ANKRD30A: variants seen among roughly 807,000 people sequenced by gnomAD.
ANKRD30A encodes the protein ankyrin repeat domain-containing protein 30A.
ANKRD30A carries 170 observed loss-of-function variants against 166.3 expected under a neutral mutation model. That is an observed-to-expected ratio of 1.02 (90% CI 0.90 to 1.16). The LOEUF (loss-of-function observed/expected upper bound fraction) is 1.16. Among genes scored for constraint, ANKRD30A ranks in the 50% most tolerant of loss-of-function variants. ANKRD30A has a pLI of 0.00. For missense variants in ANKRD30A, 1,630 were observed against 1,518.0 expected (o/e 1.07, Z -1.23); for synonymous variants, 564 against 508.9 (o/e 1.11, Z -1.46).
At position 37,197,119 on chromosome 10, in the gene ANKRD30A, C is replaced by T. The variant is rs547346764; in HGVS notation, c.2615-162C>T. On this transcript the variant is annotated intron_variant, in intron 27 of 35. Transcript: ENST00000361713. ...TATATTTTCTTCAGTGTATTCTTGT[C>T]GTGTGTGTGTCCTAAACAAACCAAA... is the stretch of plus-strand genomic sequence containing the variant. 8.5e-5 allele frequency among the ~76,000 whole-genome samples: 13 copies of T among 152,078 alleles called. No homozygotes were observed. The East Asian group carries it at 1.4e-3, about 16-fold the overall frequency.
intron 6 of ANKRD30A, among the ~76,000 whole-genome samples, chr10:37,137,593 A>G (rs1050029025): frequency 1.3e-5 from 2 of 152,200 alleles, no homozygotes; most frequent in African/African-American, 4.8e-5. Flanking sequence ...AGCATGGCTC[A>G]GAGGGTCCTA....
At position 37,172,674 on chromosome 10, in the gene ANKRD30A, A is replaced by G. The variant is rs1173294445; in HGVS notation, c.2258-1038A>G. Among the ~76,000 whole-genome samples, 3 of 134,412 alleles carry G rather than the reference A, an allele frequency of 2.2e-5. No individual in the cohort carries two copies. In the South Asian group the frequency reaches 7.9e-4, roughly 35 times the overall value. The allele number at this position is 134,412 out of a possible 152,430, so 88.2% of individuals were successfully genotyped here. A position where few individuals can be genotyped will look rare whatever the true frequency, so the allele number is the denominator to read the frequency against. On this transcript the variant is annotated intron_variant, in intron 21 of 35. Coordinates refer to ENST00000361713, the MANE Select transcript of ANKRD30A (RefSeq NM_052997.3). The stretch of plus-strand genomic sequence containing the variant: ...GAGTGAACTCACTTCAGATGCATGT[A>G]GATTATTTGCACTCCAGAATGTAGA...
intron 12 of ANKRD30A, among the ~76,000 whole-genome samples, chr10:37,153,353 T>A (rs1420916361): frequency 6.6e-6 from 1 of 152,186 alleles, no homozygotes; most frequent in African/African-American, 2.4e-5. Flanking sequence ...GTCACTGAGT[T>A]AATGGCCACA....
intron 34 of ANKRD30A, among the ~76,000 whole-genome samples, chr10:37,229,921 A>G (rs546386418): frequency 4.6e-5 from 7 of 151,900 alleles, no homozygotes; most frequent in Non-Finnish European, 1.0e-4. Context: ...TCGTCACCTC[A>G]AGCTTTTATC....
intron 30 of ANKRD30A, among the ~76,000 whole-genome samples, chr10:37,200,212 A>T (rs1841507548): frequency 6.6e-6 from 1 of 152,092 alleles, no homozygotes; most frequent in Non-Finnish European, 1.5e-5. Context: ...GGACCTGAAA[A>T]GTTAATGCCT....
intron 31 of ANKRD30A, among the ~76,000 whole-genome samples, chr10:37,209,073 C>G (rs770459054): frequency 1.6e-4 from 25 of 152,100 alleles, no homozygotes; most frequent in Non-Finnish European, 3.5e-4. Context: ...AGTTTATACA[C>G]TCATCTTTCT....
chr10:37,253,272 C>G, the ANKRD30A span, among the ~76,000 whole-genome samples: 1 of 152,112 alleles, frequency 6.6e-6, no homozygotes, highest in Non-Finnish European at 1.5e-5. Context: ...AATACAATAG[C>G]CACTAGCCAC....
At chr10:37,178,209 C>A (rs1194771901) in intron 24 of ANKRD30A, among the ~76,000 whole-genome samples, 2 of 151,194 alleles carry the variant, frequency 1.3e-5, no homozygotes, top group East Asian at 3.9e-4. Context: ...AGAATTACAG[C>A]AAAAATATTC....
At chr10:37,224,162 A>G (rs903830884) in intron 34 of ANKRD30A, among the ~76,000 whole-genome samples, 2 of 151,416 alleles carry the variant, frequency 1.3e-5, no homozygotes, top group African/African-American at 4.8e-5. Context: ...CCTTTGGCAT[A>G]TAATGTCAAC....
chr10:37,148,710 C>A (rs547543314), intron 9 of ANKRD30A, among the ~76,000 whole-genome samples: 1 of 152,100 alleles, frequency 6.6e-6, no homozygotes, highest in Non-Finnish European at 1.5e-5. Context: ...ATGTTACAAT[C>A]AGGCATGACA....
chr10:37,239,623 A>C, the ANKRD30A span, among the ~76,000 whole-genome samples: 1 of 152,144 alleles, frequency 6.6e-6, no homozygotes, highest in Non-Finnish European at 1.5e-5. Context: ...AATTAGAAAG[A>C]AATGCATTCA....
At chr10:37,259,218 TA>T in the ANKRD30A span, among the ~76,000 whole-genome samples, 1 of 152,088 alleles carries the variant, frequency 6.6e-6, no homozygotes, top group Non-Finnish European at 1.5e-5. Context: ...CCAGAATATA[TA>T]AAAAACTCCT....
Position 37,219,147 on chromosome 10 carries a change from AC to A in ANKRD30A, c.3436del (p.Leu1146PhefsTer3). The A allele has an allele frequency of 6.2e-7, 1 of 1,610,340 alleles. No homozygotes were observed. Among genetic ancestry groups the A allele is most frequent in the Non-Finnish European group, 8.5e-7 (1 of 1,177,434 alleles). ...AGATTTTAAAAGAAAAGAATGCTGA[AC>A]TTCAGATGACCCTAAAACTGAAAGA... The part of the protein sequence containing the change: ...IKILKEKNAE[L>X]QMTLKLKEES... On this transcript the variant is annotated frameshift_variant, in exon 34 of 36. Transcript: ENST00000361713. LOFTEE classifies it high-confidence loss of function.
intron 17 of ANKRD30A, among the ~76,000 whole-genome samples, chr10:37,164,332 T>C (rs1004861678): frequency 6.1e-5 from 9 of 147,742 alleles, no homozygotes; most frequent in African/African-American, 2.3e-4. Flanking sequence ...ACTCGTCAAG[T>C]CTTGAGTGGG....
chr10:37,148,176 C>A (rs1837647213), intron 9 of ANKRD30A, among the ~76,000 whole-genome samples: 1 of 151,996 alleles, frequency 6.6e-6, no homozygotes, highest in Non-Finnish European at 1.5e-5. Context: ...GATGCTGATA[C>A]CAGTGGTACT....
At position 37,219,718 on chromosome 10, in the gene ANKRD30A, C is replaced by T; in HGVS notation, c.4006C>T (p.Gln1336Ter). ...AAGCAAAAATATGTGGCTTCAACAG[C>T]AATTAGTTCATGCACATAAGAAAGC... The part of the protein sequence containing the change: ...LQSKNMWLQQ[Q>*]LVHAHKKADN... The change falls in exon 34 of 36, where the codon CAA (glutamine) becomes TAA (stop). Residue 1336 changes from glutamine (Q) to a stop codon, truncating the protein, a stop_gained. Coordinates refer to ENST00000361713, the MANE Select transcript of ANKRD30A (RefSeq NM_052997.3). LOFTEE classifies it high-confidence loss of function. 1.9e-6 allele frequency: 3 copies of T among 1,608,856 alleles called. No individual in the cohort carries two copies. The highest frequency in any genetic ancestry group is 2.5e-6 in the Non-Finnish European group (3 of 1,176,976).
At chr10:37,193,344 T>A in intron 27 of ANKRD30A, 86 bp downstream of exon 27, 2 of 1,419,090 alleles carry the variant, frequency 1.4e-6, no homozygotes, top group Non-Finnish European at 1.9e-6. Context: ...CCCAATGTTG[T>A]TTTCTATTCA....
intron 34 of ANKRD30A, among the ~76,000 whole-genome samples, chr10:37,226,181 T>C (rs1843140982): frequency 6.6e-6 from 1 of 151,422 alleles, no homozygotes; most frequent in South Asian, 2.1e-4. Context: ...TATGTATACA[T>C]GTGCCATGTT....
intron 5 of ANKRD30A, among the ~76,000 whole-genome samples, chr10:37,135,013 G>C (rs912321828): frequency 8.5e-5 from 13 of 152,106 alleles, no homozygotes; most frequent in African/African-American, 2.9e-4. Context: ...ATTTGTAGTG[G>C]GTTCCAACTT....
Sources: gnomAD v4.1 joint callset for allele counts (sites outside exome capture counted in the v4.1 genomes callset) on GRCh38, gnomAD v4.1.1 for gene constraint, MANE v1.5 for transcripts, NCBI Gene and HGNC (gene_info 2026-07-23, HGNC 2026-07-21) for gene names.